The following UNC79 variants were observed in gnomAD, a reference collection of about 807,000 sequenced individuals.
UNC79 encodes the protein unc-79 subunit of NALCN channel complex, also known as protein unc-79 homolog.
Under a neutral mutation model 283.1 loss-of-function variants are expected in UNC79, and 37 were observed. The ratio of observed to expected loss-of-function variants is 0.13; its 90% confidence interval spans 0.10 to 0.17. The LOEUF (loss-of-function observed/expected upper bound fraction) is 0.17. UNC79 is among the 10% of genes least tolerant of loss of function. The pLI is 1.00. For synonymous variants in UNC79, 1,107 were observed against 1,200.2 expected (o/e 0.92, Z 1.61); for missense variants, 2,272 against 3,211.1 (o/e 0.71, Z 7.07).
Position 93,634,648 on chromosome 14 carries a change from CT to C in UNC79, c.5717-2563del. On this transcript the variant is annotated intron_variant, in intron 31 of 48. Coordinates refer to ENST00000555664, the Ensembl canonical transcript of UNC79. ...GCAACTGGGACACTGGTGGGTCAAG[CT>C]TTTTCTTCTCATTCTACCTCTCGGA... 1 of 1,605,632 alleles carries C rather than the reference CT, an allele frequency of 6.2e-7. No homozygotes were observed. Among genetic ancestry groups the C allele is most frequent in the Non-Finnish European group, 8.5e-7 (1 of 1,172,352 alleles).
At chr14:93,514,381 T>TA (rs1190647123) in intron 7 of UNC79, among the ~76,000 whole-genome samples, 1 of 152,234 alleles carries the variant, frequency 6.6e-6, no homozygotes, top group African/African-American at 2.4e-5. Flanking sequence ...ACCTATCTGT[T>TA]ACAAACTATT....
intron 1 of UNC79, among the ~76,000 whole-genome samples, chr14:93,421,946 T>A (rs1024301699): frequency 3.3e-5 from 5 of 151,950 alleles, no homozygotes; most frequent in South Asian, 2.1e-4. Flanking sequence ...AAGCATTTGA[T>A]AAAATTCAAC....
At chr14:93,432,546 CA>C (rs976895297) in intron 1 of UNC79, among the ~76,000 whole-genome samples, 1 of 152,190 alleles carries the variant, frequency 6.6e-6, no homozygotes, top group African/African-American at 2.4e-5. Context: ...AAGCATTGCC[CA>C]CTTTTAAATA....
chr14:93,566,662 G>C (rs1026692398), intron 14 of UNC79, among the ~76,000 whole-genome samples: 1 of 139,786 alleles, frequency 7.2e-6, no homozygotes, highest in Non-Finnish European at 1.5e-5. Flanking sequence ...TTTTTGAGAC[G>C]GAATCTTGCT....
At chr14:93,660,543 ATATATATATATATATATATATGTGTGTG>A (rs1242233906) in intron 39 of UNC79, among the ~76,000 whole-genome samples, 27 of 118,546 alleles carry the variant, frequency 2.3e-4, no homozygotes, top group African/African-American at 1.1e-3. Flanking sequence ...ATATATATAT[ATATATATATATATATATATATGTGTGTG>A]TGTGTGTGTT....
At chr14:93,704,553 C>T (rs1397097624) in intron 47 of UNC79, 72 bp from the exon 51 acceptor site, 2 of 1,550,262 alleles carry the variant, frequency 1.3e-6, no homozygotes, top group East Asian at 2.2e-5. Flanking sequence ...GCCTGTTTTC[C>T]CTTGCAATGA....
At chr14:93,609,023 G>T (rs1263165523) in intron 26 of UNC79, among the ~76,000 whole-genome samples, 1 of 152,084 alleles carries the variant, frequency 6.6e-6, no homozygotes, top group Admixed American at 6.6e-5. Flanking sequence ...AATTGTCATT[G>T]GCCACATGGG....
chr14:93,583,273 G>A lies in UNC79; in HGVS notation c.2803+929G>A, dbSNP rs1216526102. On this transcript the variant is annotated intron_variant, in intron 20 of 48. Coordinates refer to ENST00000555664, the Ensembl canonical transcript of UNC79. ...CAGGCAGAGGTGGTGAGCCGAGATC[G>A]CACCATTGCACTCCAGCCTGGGCAA... Among the ~76,000 whole-genome samples the A allele has an allele frequency of 5.3e-5, 8 of 150,696 alleles. No individual in the cohort carries two copies. In the South Asian group the frequency reaches 1.3e-3, roughly 24 times the overall value.
exon 19 of UNC79, chr14:93,580,232 C>G (rs767101726): frequency 6.2e-7 from 1 of 1,614,128 alleles, no homozygotes; most frequent in South Asian, 1.1e-5. Context: ...ACAATGTCTT[C>G]CAAGCCCCCT....
chr14:93,493,163 G>A (rs567677676), intron 5 of UNC79, among the ~76,000 whole-genome samples: 1 of 152,128 alleles, frequency 6.6e-6, no homozygotes, highest in African/African-American at 2.4e-5. Context: ...AGAACTGCAG[G>A]ATGAATAATG....
intron 14 of UNC79, among the ~76,000 whole-genome samples, chr14:93,553,533 C>G (rs1376993026): frequency 6.6e-6 from 1 of 152,232 alleles, no homozygotes; most frequent in East Asian, 1.9e-4. Flanking sequence ...TAGATTAAAA[C>G]AAGACAATTG....
chr14:93,481,344 A>G (rs953400117), intron 4 of UNC79, among the ~76,000 whole-genome samples: 7 of 152,156 alleles, frequency 4.6e-5, no homozygotes, highest in African/African-American at 7.2e-5. Context: ...TCTTTTTCCA[A>G]TAAAGGATCT....
intron 1 of UNC79, among the ~76,000 whole-genome samples, chr14:93,371,929 A>T (rs2054460500): frequency 6.6e-6 from 1 of 152,248 alleles, no homozygotes; most frequent in South Asian, 2.1e-4. Flanking sequence ...ATGGAGAGAA[A>T]TAAACTCCTA....
At chr14:93,538,311 T>G in intron 12 of UNC79, 93 bp downstream of exon 12, 1 of 1,281,388 alleles carries the variant, frequency 7.8e-7, no homozygotes, top group South Asian at 1.6e-5. Flanking sequence ...TAATGCAACC[T>G]CAAATGCCCT....
At position 93,501,368 on chromosome 14, in the gene UNC79, A is replaced by T. The variant is rs187383848; in HGVS notation, c.898+4082A>T. ...AAAAAAAAAAGCAAAATTTTTTTTT[A>T]AAAAGGAAAATTTACTTATAGAAAA... On this transcript the variant is annotated intron_variant, in intron 7 of 48. Transcript: ENST00000555664. Among the ~76,000 whole-genome samples, 21 of 152,056 alleles carry T rather than the reference A, an allele frequency of 1.4e-4. No individual in the cohort carries two copies. In the East Asian group the frequency reaches 3.7e-3, roughly 27 times the overall value.
chr14:93,591,880 A>G (rs1180024206), intron 22 of UNC79, among the ~76,000 whole-genome samples: 1 of 152,222 alleles, frequency 6.6e-6, no homozygotes, highest in Non-Finnish European at 1.5e-5. Flanking sequence ...ACACAGACAG[A>G]CAACACTTGA....
intron 48 of UNC79, among the ~76,000 whole-genome samples, chr14:93,706,113 C>T (rs2075863459): frequency 6.6e-6 from 1 of 152,110 alleles, no homozygotes; most frequent in East Asian, 1.9e-4. Flanking sequence ...GCCCAGATGG[C>T]CAGGAGCAGG....
chr14:93,673,374 T>C (rs756443553), exon 41 of UNC79: 1 of 1,612,954 alleles, frequency 6.2e-7, no homozygotes, highest in Non-Finnish European at 8.5e-7. Context: ...TCTACTTGTC[T>C]CGTAGTGTTG....
intron 1 of UNC79, among the ~76,000 whole-genome samples, chr14:93,360,743 T>G (rs977188111): frequency 6.6e-6 from 1 of 152,158 alleles, no homozygotes; most frequent in African/African-American, 2.4e-5. Context: ...GAGCAAGAAG[T>G]AGTAAACACA....
Sources: allele counts gnomAD v4.1 joint callset (sites outside exome capture counted in the v4.1 genomes callset), GRCh38; gene constraint gnomAD v4.1.1; transcripts MANE v1.5; gene names NCBI Gene and HGNC (gene_info 2026-07-23, HGNC 2026-07-21).